Variants in CCS observed in about 807,000 individuals in gnomAD.
CCS encodes the protein superoxide dismutase copper chaperone.
In CCS, 32 loss-of-function variants were observed where a neutral mutation model predicts 35.5. That is an observed-to-expected ratio of 0.90 (90% CI 0.68 to 1.21). CCS has a LOEUF of 1.21. Ranked by LOEUF, CCS falls within the 50% of genes most tolerant of loss-of-function variation. The pLI is 0.00. For synonymous variants in CCS, 130 were observed against 147.2 expected (o/e 0.88, Z 0.84); for missense variants, 342 against 375.4 (o/e 0.91, Z 0.73).
rs768626429 is a variant in CCS at position 66,593,680 on chromosome 11, G to A, written c.78G>A (p.Val26=). The part of the protein sequence containing the change: ...FAVQMTCQSC[V]DAVRKSLQGV... ...TGCAGATGACCTGTCAGAGCTGTGT[G>A]GACGCGGTGCGCAAATCCCTGCAAG... Residue 26 remains valine (V), a synonymous_variant, in exon 2 of 8, where the codon GTG becomes GTA. Transcript: ENST00000533244. 2.5e-6 allele frequency: 4 copies of A among 1,613,974 alleles called. No homozygotes were observed. In the South Asian group the frequency reaches 4.4e-5, roughly 18 times the overall value.
chr11:66,602,270 G>A (rs1213057136), intron 5 of CCS, among the ~76,000 whole-genome samples: 1 of 152,162 alleles, frequency 6.6e-6, no homozygotes, highest in East Asian at 1.9e-4. Context: ...TCTCTCTCGG[G>A]GCTGCAGTCA....
At chr11:66,604,228 TCAAAA>T (rs1385236924) in intron 5 of CCS, among the ~76,000 whole-genome samples, 1 of 151,806 alleles carries the variant, frequency 6.6e-6, no homozygotes, top group Non-Finnish European at 1.5e-5. Context: ...AGACTTTGTA[TCAAAA>T]CAAAACAAAA....
chr11:66,600,423 G>A (rs1858553811), intron 4 of CCS, 66 bp from the exon 5 acceptor site: 1 of 904,580 alleles, frequency 1.1e-6, no homozygotes, highest in South Asian at 1.9e-5. Flanking sequence ...AATATAAATA[G>A]ATGAGAGGGT....
At position 66,605,558 on chromosome 11, in the gene CCS, C is replaced by T. The variant is rs1368654282; in HGVS notation, c.637C>T (p.Pro213Ser). 3 of 1,613,888 alleles carry T rather than the reference C, an allele frequency of 1.9e-6. No individual in the cohort carries two copies. In the African/African-American group the frequency reaches 4.0e-5, roughly 22 times the overall value. ...AGATGACCTGGGCCGGGGAGGCCAT[C>T]CCTTATCCAAGATCACAGGGAACTC... ...GEDDLGRGGH[P>S]LSKITGNSGE... The change falls in exon 7 of 8, where the codon CCC becomes TCC. Residue 213 changes from proline (P) to serine (S), a missense_variant. Coordinates refer to ENST00000533244, the MANE Select transcript of CCS (RefSeq NM_005125.2).
At chr11:66,605,129 T>G (rs1229929466) in intron 5 of CCS, 1 of 1,526,136 alleles carries the variant, frequency 6.6e-7, no homozygotes, top group East Asian at 2.5e-5. Flanking sequence ...GGTCCGGGAC[T>G]TCCTGGACCA....
chr11:66,593,809 T>C, intron 2 of CCS, 95 bp downstream of exon 2: 1 of 1,138,330 alleles, frequency 8.8e-7, no homozygotes. Flanking sequence ...ATTTTACAGA[T>C]GCAGAAAGTG....
chr11:66,605,949 G>C lies in CCS; in HGVS notation c.*94G>C. ...AGGGACTTTGCCTGCCCAGTCTTTG[G>C]AGAGCTCAGTACAGGGCAGGAGCTG... is the stretch of plus-strand genomic sequence containing the variant. On this transcript the variant is annotated 3_prime_UTR_variant, in exon 8 of 8. Coordinates refer to ENST00000533244, the MANE Select transcript of CCS (RefSeq NM_005125.2). The C allele has an allele frequency of 3.7e-6, 5 of 1,341,290 alleles. No homozygotes were observed. In the South Asian group the frequency reaches 8.0e-5, roughly 22 times the overall value. The allele number at this position is 1,341,290 out of a possible 1,614,324, so 83.1% of individuals were successfully genotyped here.
chr11:66,596,248 C>T (rs1858474398), intron 2 of CCS, among the ~76,000 whole-genome samples: 1 of 151,252 alleles, frequency 6.6e-6, no homozygotes, highest in African/African-American at 2.4e-5. Context: ...CATACTTTTA[C>T]TAAAGATGGA....
chr11:66,604,057 A>G (rs979625774), intron 5 of CCS, among the ~76,000 whole-genome samples: 1 of 150,892 alleles, frequency 6.6e-6, no homozygotes, highest in African/African-American at 2.4e-5. Context: ...TAAATAAATT[A>G]ATTAATTAAA....
At chr11:66,594,488 T>G (rs573139318) in intron 2 of CCS, among the ~76,000 whole-genome samples, 1 of 151,254 alleles carries the variant, frequency 6.6e-6, no homozygotes, top group South Asian at 2.1e-4. Context: ...GTTAAGTGTT[T>G]ATCCAGGCCA....
chr11:66,605,520 T>C lies in CCS; in HGVS notation c.599T>C (p.Ile200Thr), dbSNP rs1279347900. ...GATGTGATTGGCCGCAGCCTGATTA[T>C]TGATGAGGGAGAAGATGACCTGGGC... is the stretch of plus-strand genomic sequence containing the variant. Reference protein sequence around the residue: ...VWDVIGRSLIIDEGEDDLGRG... With the variant: ...VWDVIGRSLITDEGEDDLGRG... Residue 200 changes from isoleucine (I) to threonine (T), a missense_variant, in exon 7 of 8, where the codon ATT (isoleucine) becomes ACT (threonine). Ile to Thr is a moderately conservative substitution (Grantham distance 89). Transcript: ENST00000533244. The C allele has an allele frequency of 1.2e-6, 2 of 1,613,964 alleles. No homozygotes were observed. Among genetic ancestry groups the C allele is most frequent in the Non-Finnish European group, 1.7e-6 (2 of 1,180,002 alleles).
rs200367584 is a variant in CCS at position 66,599,437 on chromosome 11, C to T, written c.251-22C>T. Reference sequence around the variant, plus strand: ...GTGCTGGGTGAGGTGGCAAGCCAGCCCAAGTGTCTAATACCTTGCAGAGAA... The same window carrying T: ...GTGCTGGGTGAGGTGGCAAGCCAGCTCAAGTGTCTAATACCTTGCAGAGAA... On this transcript the variant is annotated intron_variant, in intron 3 of 7. Transcript: ENST00000533244. The T allele has an allele frequency of 5.9e-6, 9 of 1,516,374 alleles. No homozygotes were observed. The East Asian group carries it at 6.9e-5, about 12-fold the overall frequency. 93.9% of individuals were successfully genotyped at this position (1,516,374 alleles called of 1,614,324 possible). A position where few individuals can be genotyped will look rare whatever the true frequency, so the allele number is the denominator to read the frequency against.
chr11:66,595,392 A>G (rs1273997306), intron 2 of CCS, among the ~76,000 whole-genome samples: 1 of 152,142 alleles, frequency 6.6e-6, no homozygotes, highest in Non-Finnish European at 1.5e-5. Flanking sequence ...GAGAGCAGAC[A>G]GCTGGCCTTT....
At chr11:66,599,030 T>A in intron 2 of CCS, 86 bp from the exon 3 acceptor site, 1 of 1,534,302 alleles carries the variant, frequency 6.5e-7, no homozygotes, top group Non-Finnish European at 9.0e-7. Context: ...GAAATGGGGA[T>A]GGAGAATTGC....
chr11:66,605,839 C>T lies in CCS; in HGVS notation c.809C>T (p.Pro270Leu), dbSNP rs1021421444. The change falls in exon 8 of 8, where the codon CCC becomes CTC. Residue 270 changes from proline to leucine, a missense_variant. Pro to Leu is a moderately conservative substitution (Grantham distance 98). Transcript: ENST00000533244. Reference sequence around the variant, plus strand: ...AAGGGCCGAAAGGAGTCAGCGCAGCCCCCTGCCCACCTTTGAGCAGGACCT... The same window carrying T: ...AAGGGCCGAAAGGAGTCAGCGCAGCTCCCTGCCCACCTTTGAGCAGGACCT... ...AGKGRKESAQ[P>L]PAHL 1.2e-5 allele frequency: 18 copies of T among 1,550,992 alleles called. No individual in the cohort carries two copies. Among genetic ancestry groups the T allele is most frequent in the Non-Finnish European group, 1.6e-5 (18 of 1,149,296 alleles).
chr11:66,599,396 G>C, intron 3 of CCS, 63 bp from the exon 4 acceptor site: 2 of 1,499,468 alleles, frequency 1.3e-6, no homozygotes, highest in South Asian at 2.7e-5. Flanking sequence ...TGCCCTTCCC[G>C]AGCTGCTGAA....
At chr11:66,602,651 AG>A (rs141726857) in intron 5 of CCS, among the ~76,000 whole-genome samples, 7,623 of 152,336 alleles carry the variant, frequency 0.05, 318 homozygotes, top group East Asian at 0.11. Flanking sequence ...TGGCAAGCCC[AG>A]CAAAAGAAAC....
rs745643257 is a variant in CCS at position 66,599,493 on chromosome 11, G to A, written c.285G>A (p.Gly95=). Residue 95 remains glycine (G), a synonymous_variant, in exon 4 of 8, where the codon GGG becomes GGA. Coordinates refer to ENST00000533244, the MANE Select transcript of CCS (RefSeq NM_005125.2). ...NLGAAVAILG[G]PGTVQGVVRF... is the part of the protein sequence containing the mutation. ...GGGCAGCAGTGGCCATCCTGGGGGGGCCTGGCACCGTGCAGGGGGTGGTGC... is the reference window on the plus strand; with the variant it reads ...GGGCAGCAGTGGCCATCCTGGGGGGACCTGGCACCGTGCAGGGGGTGGTGC... 8 of 1,556,254 alleles carry A rather than the reference G, an allele frequency of 5.1e-6. No homozygotes were observed. The highest frequency in any genetic ancestry group is 4.3e-5 in the Admixed American group (2 of 46,632).
intron 5 of CCS, among the ~76,000 whole-genome samples, chr11:66,604,815 CCTT>C: frequency 6.6e-6 from 1 of 152,316 alleles, no homozygotes; most frequent in East Asian, 1.9e-4. Flanking sequence ...CCTTGCATTT[CCTT>C]CTGTTCCTGG....
Sources: gnomAD v4.1 joint callset for allele counts (sites outside exome capture counted in the v4.1 genomes callset) on GRCh38, gnomAD v4.1.1 for gene constraint, MANE v1.5 for transcripts, NCBI Gene and HGNC (gene_info 2026-07-23, HGNC 2026-07-21) for gene names.